The following TXLNB variants were observed in gnomAD, a reference collection of about 807,000 sequenced individuals.
The protein encoded by TXLNB is beta-taxilin.
A neutral mutation model predicts 57.4 loss-of-function variants in TXLNB; 37 were observed. That is an observed-to-expected ratio of 0.64 (90% CI 0.50 to 0.85). The LOEUF (loss-of-function observed/expected upper bound fraction) is 0.85. Among genes scored for constraint, TXLNB ranks in the 40% least tolerant of loss-of-function variants. TXLNB has a pLI of 0.00. For synonymous variants in TXLNB, 302 were observed against 309.6 expected (o/e 0.98, Z 0.26); for missense variants, 848 against 825.6 (o/e 1.03, Z -0.33).
the TXLNB span, among the ~76,000 whole-genome samples, chr6:139,207,556 A>C: frequency 6.6e-6 from 1 of 152,198 alleles, no homozygotes; most frequent in Non-Finnish European, 1.5e-5. Context: ...AGACGACCCA[A>C]TGTCACATCT....
At chr6:139,213,277 C>G in the TXLNB span, among the ~76,000 whole-genome samples, 3 of 152,234 alleles carry the variant, frequency 2.0e-5, no homozygotes, top group African/African-American at 7.2e-5. Flanking sequence ...AACAAACGGT[C>G]TCTCGGACCA....
At chr6:139,211,752 A>G in the TXLNB span, among the ~76,000 whole-genome samples, 7 of 152,214 alleles carry the variant, frequency 4.6e-5, no homozygotes, top group African/African-American at 1.7e-4. Flanking sequence ...ACGAATGGAT[A>G]ACTAGAATAA....
chr6:139,185,269 C>G, the TXLNB span, among the ~76,000 whole-genome samples: 1 of 148,694 alleles, frequency 6.7e-6, no homozygotes, highest in African/African-American at 2.4e-5. Flanking sequence ...TTACTTTTGG[C>G]AGGAGTTACT....
At chr6:139,227,390 C>T in the TXLNB span, among the ~76,000 whole-genome samples, 5 of 151,740 alleles carry the variant, frequency 3.3e-5, no homozygotes, top group African/African-American at 9.7e-5. Flanking sequence ...TATTACTATA[C>T]GCTTCCAAAT....
the TXLNB span, among the ~76,000 whole-genome samples, chr6:139,174,953 G>A: frequency 6.6e-6 from 1 of 152,010 alleles, no homozygotes; most frequent in Non-Finnish European, 1.5e-5. Context: ...ATTTCTAATA[G>A]AAAAAATGTT....
the TXLNB span, among the ~76,000 whole-genome samples, chr6:139,320,641 AT>A: frequency 0.18 from 26,119 of 146,976 alleles, 4,429 homozygotes; most frequent in African/African-American, 0.45. Context: ...ATATAATCTC[AT>A]TTTTTTTTTT....
At chr6:139,217,059 G>A in the TXLNB span, among the ~76,000 whole-genome samples, 1 of 152,166 alleles carries the variant, frequency 6.6e-6, no homozygotes. Context: ...AAGCTACAAT[G>A]CCTATCCTTA....
chr6:139,228,461 AG>A, the TXLNB span, among the ~76,000 whole-genome samples: 1 of 147,856 alleles, frequency 6.8e-6, no homozygotes, highest in African/African-American at 2.5e-5. Flanking sequence ...AGGAGGCAGA[AG>A]TTGCAGTGAG....
At chr6:139,181,429 A>G in the TXLNB span, among the ~76,000 whole-genome samples, 4 of 152,202 alleles carry the variant, frequency 2.6e-5, no homozygotes, top group Non-Finnish European at 4.4e-5. Context: ...CAGGCGAATC[A>G]TCCCTTTGTC....
At chr6:139,303,719 G>A in the TXLNB span, among the ~76,000 whole-genome samples, 1 of 151,216 alleles carries the variant, frequency 6.6e-6, no homozygotes, top group African/African-American at 2.4e-5. Context: ...AAATTAATGA[G>A]GAATGTTGTA....
the TXLNB span, among the ~76,000 whole-genome samples, chr6:139,188,028 A>T: frequency 1.2e-4 from 19 of 152,174 alleles, no homozygotes; most frequent in African/African-American, 4.3e-4. Context: ...TATTTTACCG[A>T]TGAGGAAAAT....
chr6:139,246,636 C>G (rs1393685845), intron 8 of TXLNB, among the ~76,000 whole-genome samples: 1 of 151,912 alleles, frequency 6.6e-6, no homozygotes, highest in Non-Finnish European at 1.5e-5. Flanking sequence ...AATTAGAGGC[C>G]AGGCATGGTG....
the TXLNB span, among the ~76,000 whole-genome samples, chr6:139,207,545 T>G: frequency 3.9e-5 from 6 of 152,038 alleles, no homozygotes; most frequent in African/African-American, 1.4e-4. Flanking sequence ...AGAGCGCAAA[T>G]AGACGACCCA....
At chr6:139,211,826 A>G in the TXLNB span, among the ~76,000 whole-genome samples, 1 of 152,254 alleles carries the variant, frequency 6.6e-6, no homozygotes, top group Non-Finnish European at 1.5e-5. Context: ...GAACTACGTG[A>G]CAAATGCACA....
rs1775906474 is a variant in TXLNB at position 139,240,442 on chromosome 6, T to C, written c.*2084A>G. 1 of 152,676 alleles carries C rather than the reference T, an allele frequency of 6.5e-6. No homozygotes were observed. The highest frequency in any genetic ancestry group is 1.5e-5 in the Non-Finnish European group (1 of 68,054). 9.5% of individuals were successfully genotyped at this position (152,676 alleles called of 1,614,324 possible). A position where few individuals can be genotyped will look rare whatever the true frequency, so the allele number is the denominator to read the frequency against. On this transcript the variant is annotated 3_prime_UTR_variant, in exon 10 of 10. Coordinates refer to ENST00000358430, the MANE Select transcript of TXLNB (RefSeq NM_153235.4). ...AATGAACTTTGGGTTTTAGAATATT[T>C]GATTTACTGCCTTTGGGTTCCTCTG... is the stretch of plus-strand genomic sequence containing the variant.
the TXLNB span, among the ~76,000 whole-genome samples, chr6:139,310,240 T>C: frequency 6.6e-6 from 1 of 152,216 alleles, no homozygotes; most frequent in Non-Finnish European, 1.5e-5. Context: ...GATGAGGGCT[T>C]AATATCCAAA....
chr6:139,208,036 A>G, the TXLNB span, among the ~76,000 whole-genome samples: 2 of 152,266 alleles, frequency 1.3e-5, no homozygotes, highest in East Asian at 3.9e-4. Context: ...AGATCGCACC[A>G]CTGCACTCCA....
At chr6:139,230,572 T>C in the TXLNB span, among the ~76,000 whole-genome samples, 1 of 152,196 alleles carries the variant, frequency 6.6e-6, no homozygotes, top group Non-Finnish European at 1.5e-5. Flanking sequence ...CTACCACTTC[T>C]TGTGCTCCAT....
intron 4 of TXLNB, among the ~76,000 whole-genome samples, chr6:139,269,474 G>A (rs1776704239): frequency 6.6e-6 from 1 of 152,172 alleles, no homozygotes; most frequent in South Asian, 2.1e-4. Flanking sequence ...CAAGACGCCA[G>A]TAGCACATCT....
Sources: gnomAD v4.1 joint callset for allele counts (sites outside exome capture counted in the v4.1 genomes callset) on GRCh38, gnomAD v4.1.1 for gene constraint, MANE v1.5 for transcripts, NCBI Gene and HGNC (gene_info 2026-07-23, HGNC 2026-07-21) for gene names.